The following GRIA4 variants were observed in gnomAD, a reference collection of about 807,000 sequenced individuals.
GRIA4 encodes the protein glutamate receptor 4.
GRIA4 carries 34 observed loss-of-function variants against 104.0 expected under a neutral mutation model. That is an observed-to-expected ratio of 0.33 (90% CI 0.25 to 0.44). The LOEUF (loss-of-function observed/expected upper bound fraction) is 0.44. Ranked by LOEUF, GRIA4 falls within the 20% of genes least tolerant of loss-of-function variation. GRIA4 has a pLI of 1.00. For synonymous variants in GRIA4, 386 were observed against 381.9 expected (o/e 1.01, Z -0.13); for missense variants, 750 against 1,096.5 (o/e 0.68, Z 4.46).
rs200124705 is a variant in GRIA4 at position 105,951,645 on chromosome 11, A to AT, written c.2294+17685dup. On this transcript the variant is annotated intron_variant, in intron 14 of 16. Transcript: ENST00000282499. ...TATATAACTGAAGGCATCTTTTCAC[A>AT]TTTTTTTTTAAATTTTTATTGGTTT... is the stretch of plus-strand genomic sequence containing the variant. Among the ~76,000 whole-genome samples, 595 of 151,640 alleles carry AT rather than the reference A, an allele frequency of 3.9e-3. 6 individuals are homozygous for AT. Among genetic ancestry groups the AT allele is most frequent in the African/African-American group, 0.013 (549 of 41,358 alleles).
chr11:105,724,324 C>CAT (rs35915687), intron 3 of GRIA4, among the ~76,000 whole-genome samples: 69,835 of 150,644 alleles, frequency 0.46, 16,967 homozygotes, highest in Admixed American at 0.58. Flanking sequence ...TAAAATGTGA[C>CAT]ATATATATAT....
At chr11:105,725,663 AG>A (rs1938152199) in intron 3 of GRIA4, among the ~76,000 whole-genome samples, 1 of 152,128 alleles carries the variant, frequency 6.6e-6, no homozygotes, top group Non-Finnish European at 1.5e-5. Context: ...ACACAGAAAG[AG>A]GGTGATTTCT....
chr11:105,857,590 T>C, intron 4 of GRIA4, among the ~76,000 whole-genome samples: 1 of 152,108 alleles, frequency 6.6e-6, no homozygotes, highest in Non-Finnish European at 1.5e-5. Flanking sequence ...TATTACTTCA[T>C]TATTCTGATG....
chr11:105,907,594 G>A (rs1263289575), intron 9 of GRIA4, among the ~76,000 whole-genome samples: 1 of 152,144 alleles, frequency 6.6e-6, no homozygotes, highest in Admixed American at 6.6e-5. Context: ...TGAAGTCCCA[G>A]CTGCTAAGTA....
chr11:105,620,763 G>A (rs898369436), intron 3 of GRIA4, among the ~76,000 whole-genome samples: 1 of 151,816 alleles, frequency 6.6e-6, no homozygotes, highest in Non-Finnish European at 1.5e-5. Context: ...TGTAAACAGT[G>A]TTGGATGCTT....
intron 5 of GRIA4, among the ~76,000 whole-genome samples, chr11:105,881,054 G>A (rs1019895310): frequency 1.3e-5 from 2 of 152,206 alleles, no homozygotes; most frequent in East Asian, 3.9e-4. Flanking sequence ...GAGGAGTAGA[G>A]AAATTTAGTC....
chr11:105,768,564 T>A (rs980403025), intron 4 of GRIA4, among the ~76,000 whole-genome samples: 1 of 152,080 alleles, frequency 6.6e-6, no homozygotes. Context: ...ACTCAGTACC[T>A]TTTCACAAAT....
At chr11:105,851,628 CTT>C (rs1017766348) in intron 4 of GRIA4, among the ~76,000 whole-genome samples, 7 of 152,234 alleles carry the variant, frequency 4.6e-5, no homozygotes, top group African/African-American at 1.4e-4. Flanking sequence ...TACAGACTCT[CTT>C]AGCGCAGGGA....
chr11:105,745,984 A>AT (rs1939632331), intron 3 of GRIA4, among the ~76,000 whole-genome samples: 1 of 152,128 alleles, frequency 6.6e-6, no homozygotes, highest in East Asian at 1.9e-4. Flanking sequence ...AAATTAATAC[A>AT]TTTCCCTCTT....
intron 16 of GRIA4, among the ~76,000 whole-genome samples, chr11:105,975,766 T>A (rs1858949841): frequency 1.3e-5 from 2 of 152,092 alleles, no homozygotes; most frequent in South Asian, 4.1e-4. Context: ...CTTGATTTTT[T>A]ATATTTATTT....
intron 3 of GRIA4, among the ~76,000 whole-genome samples, chr11:105,687,257 C>A (rs536210837): frequency 1.3e-5 from 2 of 152,112 alleles, no homozygotes; most frequent in Admixed American, 1.3e-4. Context: ...ACATGTAAGG[C>A]GCTAAAAAAT....
In GRIA4 at chr11:105,649,020, C is replaced by T. The variant is rs542894594; in HGVS notation, c.247+36586C>T. On this transcript the variant is annotated intron_variant, in intron 3 of 16. Coordinates refer to ENST00000282499, the MANE Select transcript of GRIA4 (RefSeq NM_000829.4). ...CATCACCTTCACTGCCACACTCATG[C>T]TATTGTGCCTATCAAACAAAGCTGA... is the stretch of plus-strand genomic sequence containing the variant. Among the ~76,000 whole-genome samples the T allele has an allele frequency of 1.6e-4, 24 of 152,266 alleles. No homozygotes were observed. In the East Asian group the frequency reaches 4.4e-3, roughly 28 times the overall value.
intron 4 of GRIA4, among the ~76,000 whole-genome samples, chr11:105,785,811 A>G (rs1398044601): frequency 6.6e-6 from 1 of 152,140 alleles, no homozygotes; most frequent in Admixed American, 6.5e-5. Flanking sequence ...TGTCGATAAT[A>G]TCAATTGACT....
chr11:105,712,714 T>G (rs1055930696), intron 3 of GRIA4, among the ~76,000 whole-genome samples: 1 of 105,440 alleles, frequency 9.5e-6, no homozygotes, highest in East Asian at 2.4e-4. Context: ...TTGCTTTGTT[T>G]TTGTTTTTTT....
intron 3 of GRIA4, among the ~76,000 whole-genome samples, chr11:105,666,862 C>G (rs979124354): frequency 6.6e-6 from 1 of 151,166 alleles, no homozygotes; most frequent in Admixed American, 6.6e-5. Flanking sequence ...GTTTTGGTCA[C>G]GTTTAAATTA....
intron 4 of GRIA4, among the ~76,000 whole-genome samples, chr11:105,831,314 C>T (rs1943969370): frequency 6.6e-6 from 1 of 151,990 alleles, no homozygotes; most frequent in South Asian, 2.1e-4. Context: ...TTCCAGTGTG[C>T]AAGCACTTAG....
chr11:105,950,433 T>C (rs1948429380), intron 14 of GRIA4, among the ~76,000 whole-genome samples: 1 of 152,188 alleles, frequency 6.6e-6, no homozygotes, highest in South Asian at 2.1e-4. Flanking sequence ...TCCTATTTCT[T>C]CTGTGTAAAA....
At chr11:105,866,551 G>GTGTGTATATATATATA (rs1299256765) in intron 5 of GRIA4, among the ~76,000 whole-genome samples, 9 of 76,710 alleles carry the variant, frequency 1.2e-4, no homozygotes, top group Admixed American at 1.0e-3. Flanking sequence ...GTGTGTGTGT[G>GTGTGTATATATATATA]TATATATATA....
intron 4 of GRIA4, among the ~76,000 whole-genome samples, chr11:105,857,174 C>T (rs952245324): frequency 7.9e-5 from 12 of 152,050 alleles, no homozygotes; most frequent in Admixed American, 7.2e-4. Flanking sequence ...AGAGTCCAAC[C>T]TAAATGGTTA....
Sources: allele counts gnomAD v4.1 joint callset (sites outside exome capture counted in the v4.1 genomes callset), GRCh38; gene constraint gnomAD v4.1.1; transcripts MANE v1.5; gene names NCBI Gene and HGNC (gene_info 2026-07-23, HGNC 2026-07-21).